ALS2CL: variants seen among roughly 807,000 people sequenced by gnomAD.
ALS2CL encodes the protein ALS2 C-terminal like, also known as ALS2 C-terminal-like protein.
ALS2CL carries 112 observed loss-of-function variants against 127.9 expected under a neutral mutation model. The ratio of observed to expected loss-of-function variants is 0.88; its 90% confidence interval spans 0.75 to 1.02. The LOEUF (loss-of-function observed/expected upper bound fraction) is 1.02. Ranked by LOEUF, ALS2CL falls within the 50% of genes least tolerant of loss-of-function variation. The pLI is 0.00. For missense variants in ALS2CL, 1,174 were observed against 1,236.7 expected (o/e 0.95, Z 0.76); for synonymous variants, 519 against 527.6 (o/e 0.98, Z 0.22).
chr3:46,674,904 G>T, intron 20 of ALS2CL, 165 bp from the exon 21 acceptor site: 3 of 618,518 alleles, frequency 4.9e-6, no homozygotes, highest in Non-Finnish European at 2.6e-6. Context: ...GTCATCATTT[G>T]CCCAATTCAA....
rs1462863553 is a variant in ALS2CL, at chr3:46,682,195, TG to T, written c.1110-102del. On this transcript the variant is annotated intron_variant, in intron 10 of 25. Transcript: ENST00000318962. ...GCCCTCCCTTCCTCTTCCCTTGGAC[TG>T]GGCTCCCTGCACCCACCCAGCCCTC... 2.5e-5 allele frequency: 32 copies of T among 1,269,696 alleles called. No individual in the cohort carries two copies. The East Asian group carries it at 7.6e-4, about 30-fold the overall frequency. 78.7% of individuals were successfully genotyped at this position (1,269,696 alleles called of 1,614,324 possible).
intron 10 of ALS2CL, 63 bp downstream of exon 10, chr3:46,683,067 T>C: frequency 6.9e-7 from 1 of 1,449,352 alleles, no homozygotes; most frequent in East Asian, 2.4e-5. Context: ...GCTTGTGTGC[T>C]GCTCTCTGCC....
chr3:46,684,214 G>C (rs1193898961), intron 7 of ALS2CL, among the ~76,000 whole-genome samples, 167 bp from the exon 8 acceptor site: 7 of 152,080 alleles, frequency 4.6e-5, no homozygotes, highest in African/African-American at 1.4e-4. Context: ...CCACCTCAGG[G>C]ACAGCTCCTC....
In ALS2CL at chr3:46,682,097, G is replaced by A. The variant is rs1188552680; in HGVS notation, c.1110-3C>T. 2 of 1,613,760 alleles carry A rather than the reference G, an allele frequency of 1.2e-6. No homozygotes were observed. The highest frequency in any genetic ancestry group is 8.5e-7 in the Non-Finnish European group (1 of 1,179,912). ...CATCCGGCCATTTCAGGGTTCCCCTGGAACACAGTGGAGGTTCACGAGCCT... is the reference window on the plus strand; with the variant it reads ...CATCCGGCCATTTCAGGGTTCCCCTAGAACACAGTGGAGGTTCACGAGCCT... On this transcript the variant is annotated splice_region_variant and splice_polypyrimidine_tract_variant and intron_variant, in intron 10 of 25. Transcript: ENST00000318962.
At position 46,681,120 on chromosome 3, in the gene ALS2CL, G is replaced by A. The variant is rs1422911284; in HGVS notation, c.1436+126C>T. 8 of 1,441,818 alleles carry A rather than the reference G, an allele frequency of 5.5e-6. No individual in the cohort carries two copies. The South Asian group carries it at 5.7e-5, about 10-fold the overall frequency. The allele number at this position is 1,441,818 out of a possible 1,614,324, so 89.3% of individuals were successfully genotyped here. On this transcript the variant is annotated intron_variant, in intron 13 of 25. Transcript: ENST00000318962. This position sits in a 1 kb window ranked among gnomAD's most constrained non-coding sequence, Gnocchi z 4.9. ...CCTCCGCAGCAACCGAGGGACTGGA[G>A]GGGAAGTGAGGGGCTTAAGAGAGAC...
chr3:46,686,935 C>G lies in ALS2CL; in HGVS notation c.534+48G>C. On this transcript the variant is annotated intron_variant, in intron 5 of 25. Transcript: ENST00000318962. The surrounding 1 kb of genome is among the most constrained non-coding windows in gnomAD (Gnocchi z 4.3). ...TGAGCCCCCTGAGTCTGGGCCCTAT[C>G]CCTCCCTTCCCTCGGCTTCCCCACA... is the stretch of plus-strand genomic sequence containing the variant. The G allele has an allele frequency of 6.6e-7, 1 of 1,517,724 alleles. No homozygotes were observed. Among genetic ancestry groups the G allele is most frequent in the East Asian group, 2.4e-5 (1 of 42,530 alleles). The allele number at this position is 1,517,724 out of a possible 1,614,324, so 94.0% of individuals were successfully genotyped here. A position where few individuals can be genotyped will look rare whatever the true frequency, so the allele number is the denominator to read the frequency against.
Position 46,687,825 on chromosome 3 carries a change from G to A in ALS2CL, c.303-141C>T. 1.6e-5 allele frequency: 14 copies of A among 895,738 alleles called. No homozygotes were observed. The South Asian group carries it at 2.3e-4, about 15-fold the overall frequency. The allele number at this position is 895,738 out of a possible 1,614,324, so 55.5% of individuals were successfully genotyped here. The stretch of plus-strand genomic sequence containing the variant: ...CACAGTGGCCTGGCTCTGGGCACTG[G>A]AGACCTCAACTCCTGGGCCAACAAG... On this transcript the variant is annotated intron_variant, in intron 3 of 25. Coordinates refer to ENST00000318962, the MANE Select transcript of ALS2CL (RefSeq NM_147129.5).
At chr3:46,674,880 C>A in intron 20 of ALS2CL, 141 bp from the exon 21 acceptor site, 2 of 775,604 alleles carry the variant, frequency 2.6e-6, no homozygotes, top group Non-Finnish European at 3.9e-6. Context: ...AAACCTTTTC[C>A]AAGCCTGTTC....
Position 46,688,293 on chromosome 3 carries a change from G to A in ALS2CL, c.107C>T (p.Pro36Leu), listed in dbSNP as rs776551754. 1.2e-6 allele frequency: 2 copies of A among 1,612,272 alleles called. No homozygotes were observed. The highest frequency in any genetic ancestry group is 1.7e-5 in the Admixed American group (1 of 60,006). Reference protein sequence around the residue: ...LVLQPLLPAAPDPSDPWGREC... With the variant: ...LVLQPLLPAALDPSDPWGREC... ...TCTGCCCCAGGGATCCGAGGGATCT[G>A]GGGCTGGGGAAGGAGTACAGTCACA... Residue 36 changes from proline (P) to leucine (L), a missense_variant, in exon 3 of 26, where the codon CCA (proline) becomes CTA (leucine). By Grantham distance (98) the Pro-to-Leu change is moderately conservative (BLOSUM62 -3). Transcript: ENST00000318962.
chr3:46,680,144 A>G (rs1271122616), intron 14 of ALS2CL: 2 of 412,600 alleles, frequency 4.8e-6, no homozygotes, highest in Non-Finnish European at 9.0e-6. Flanking sequence ...CAGCTAATGC[A>G]TCATCATGAG....
At chr3:46,675,961 C>T in intron 19 of ALS2CL, 1 of 1,422,824 alleles carries the variant, frequency 7.0e-7, no homozygotes, top group Non-Finnish European at 9.1e-7. Flanking sequence ...GTTCCGAGTC[C>T]AGGGCCAAGC....
rs372680980 is a variant in ALS2CL at position 46,680,410 on chromosome 3, C to T, written c.1548+20G>A. The T allele has an allele frequency of 3.0e-5, 48 of 1,607,966 alleles. No individual in the cohort carries two copies. The highest frequency in any genetic ancestry group is 4.0e-5 in the Non-Finnish European group (47 of 1,176,766). Reference sequence around the variant, plus strand: ...AGTGGGGTGCAAAGAGAGGGATAGCCCAGGATACACTCCACTCACCACCGT... The same window carrying T: ...AGTGGGGTGCAAAGAGAGGGATAGCTCAGGATACACTCCACTCACCACCGT... On this transcript the variant is annotated intron_variant, in intron 14 of 25. Transcript: ENST00000318962.
Position 46,681,954 on chromosome 3 carries a change from G to A in ALS2CL, c.1175+75C>T. 1.3e-6 allele frequency: 2 copies of A among 1,528,182 alleles called. No individual in the cohort carries two copies. The highest frequency in any genetic ancestry group is 1.8e-6 in the Non-Finnish European group (2 of 1,115,716). The allele number at this position is 1,528,182 out of a possible 1,614,324, so 94.7% of individuals were successfully genotyped here. A position where few individuals can be genotyped will look rare whatever the true frequency, so the allele number is the denominator to read the frequency against. On this transcript the variant is annotated intron_variant, in intron 11 of 25. Transcript: ENST00000318962. This position sits in a 1 kb window ranked among gnomAD's most constrained non-coding sequence, Gnocchi z 4.9. The stretch of plus-strand genomic sequence containing the variant: ...TGGGAATTCAGGATGGGGCCGGGCT[G>A]GTGACCACAGCAGGGGAGGAAAGCA...
intron 23 of ALS2CL, 42 bp downstream of exon 23, chr3:46,672,098 A>T: frequency 6.2e-7 from 1 of 1,613,824 alleles, no homozygotes; most frequent in East Asian, 2.2e-5. Context: ...AGCACCCCAC[A>T]CTCTGCCTCC....
At position 46,676,336 on chromosome 3, in the gene ALS2CL, T is replaced by C. The variant is rs1227385568; in HGVS notation, c.2095A>G (p.Thr699Ala). Residue 699 changes from threonine (T) to alanine (A), a missense_variant, in exon 19 of 26, where the codon ACC becomes GCC. Coordinates refer to ENST00000318962, the MANE Select transcript of ALS2CL (RefSeq NM_147129.5). ...LRTLMLTFQA[T>A]YAGVGANKHL... ...TTGTTGGCCCCGACACCTGCGTAGG[T>C]AGCCTGGAAGGTCAGCATCAGTGTC... 3.1e-6 allele frequency: 5 copies of C among 1,613,630 alleles called. No individual in the cohort carries two copies. The highest frequency in any genetic ancestry group is 2.7e-5 in the African/African-American group (2 of 74,828).
At chr3:46,677,552 A>C in intron 16 of ALS2CL, 1 of 249,640 alleles carries the variant, frequency 4.0e-6, no homozygotes, top group Non-Finnish European at 6.4e-6. Context: ...ATTGCTGTCC[A>C]CTCCCAGCTC....
intron 23 of ALS2CL, 45 bp downstream of exon 23, chr3:46,672,095 C>T (rs1210350473): frequency 6.2e-7 from 1 of 1,614,046 alleles, no homozygotes; most frequent in African/African-American, 1.3e-5. Flanking sequence ...AGGAGCACCC[C>T]ACACTCTGCC....
chr3:46,681,383 C>A lies in ALS2CL; in HGVS notation c.1299G>T (p.Lys433Asn), dbSNP rs774260937. 1.2e-6 allele frequency: 2 copies of A among 1,607,208 alleles called. No individual in the cohort carries two copies. Among genetic ancestry groups the A allele is most frequent in the South Asian group, 1.1e-5 (1 of 90,802 alleles). The change falls in exon 13 of 26, where the codon AAG becomes AAT. Residue 433 changes from lysine to asparagine, a missense_variant. Transcript: ENST00000318962. This position sits in a 1 kb window ranked among gnomAD's most constrained non-coding sequence, Gnocchi z 4.9. ...ICEYSTDEVY[K>N]GYFQEGLRHG... Reference sequence around the variant, plus strand: ...GCCGCAGGCCCTCCTGGAAGTAGCCCTTGTACACCTCGTCGGTGCTGTACC... The same window carrying A: ...GCCGCAGGCCCTCCTGGAAGTAGCCATTGTACACCTCGTCGGTGCTGTACC...
chr3:46,684,404 G>GATC (rs1287762461), intron 7 of ALS2CL, among the ~76,000 whole-genome samples: 1 of 59,752 alleles, frequency 1.7e-5, no homozygotes, highest in Non-Finnish European at 3.3e-5. Flanking sequence ...AGACCTCACA[G>GATC]ACCACTACGC....
Sources: allele counts gnomAD v4.1 joint callset (sites outside exome capture counted in the v4.1 genomes callset), GRCh38; gene constraint gnomAD v4.1.1; non-coding constraint Gnocchi (gnomAD v3.1); transcripts MANE v1.5; gene names NCBI Gene and HGNC (gene_info 2026-07-23, HGNC 2026-07-21).